Variants in DACH2 observed in about 807,000 individuals in gnomAD.
DACH2 encodes dachshund family transcription factor 2, also known as dachshund homolog 2.
Under a neutral mutation model 35.8 loss-of-function variants are expected in DACH2, and 17 were observed. The ratio of observed to expected loss-of-function variants is 0.48; its 90% CI spans 0.33 to 0.71. The LOEUF (loss-of-function observed/expected upper bound fraction) is 0.71. Among genes scored for constraint, DACH2 ranks in the 30% least tolerant of loss-of-function variants. DACH2 has a pLI of 0.02. For synonymous variants in DACH2, 195 were observed against 177.3 expected, an observed-to-expected ratio of 1.10 and a Z score of -0.79; for missense variants, 469 against 472.7, an observed-to-expected ratio of 0.99 and a Z score of 0.07.
rs113684881 is a variant in DACH2 at position 86,266,338 on chromosome X, C to T, written c.489-110486C>T. On this transcript the variant is annotated intron_variant, in intron 1 of 11. Coordinates refer to ENST00000373125, the MANE Select transcript of DACH2 (RefSeq NM_053281.3). ...TCATATTCAATTTACCTGAACTGTG[C>T]TGGAAACACGGGTGTCATACAACCG... is the stretch of plus-strand genomic sequence containing the variant. 5.3e-3 allele frequency among the ~76,000 whole-genome samples: 595 copies of T among 111,407 alleles called. 4 individuals carry two copies. The highest frequency in any genetic ancestry group is 0.018 in the African/African-American group (563 of 30,664).
chrX:86,433,644 G>T (rs1051828183), intron 2 of DACH2, among the ~76,000 whole-genome samples: 18 of 111,483 alleles, frequency 1.6e-4, no homozygotes, highest in Non-Finnish European at 3.2e-4. Flanking sequence ...AGTTTGACAG[G>T]AGGAACCATC....
chrX:86,247,514 A>ATAGAT (rs1363608216), intron 1 of DACH2, among the ~76,000 whole-genome samples: 2 of 111,843 alleles, frequency 1.8e-5, no homozygotes, highest in Non-Finnish European at 3.8e-5. Context: ...CAAACTAGAA[A>ATAGAT]ACAATAGATA....
chrX:86,719,915 CTTTTTTTTTCTTTTTTCT>C (rs1569473182), intron 6 of DACH2, among the ~76,000 whole-genome samples: 3 of 92,552 alleles, frequency 3.2e-5, no homozygotes, highest in Non-Finnish European at 4.2e-5. Flanking sequence ...CCCTCCAAAT[CTTTTTTTTTCTTTTTTCT>C]TTTTTTTTTC....
intron 6 of DACH2, among the ~76,000 whole-genome samples, chrX:86,715,210 G>A (rs1046339941): frequency 4.2e-4 from 47 of 111,467 alleles, no homozygotes; most frequent in African/African-American, 1.0e-3. Flanking sequence ...ATAAAATGAA[G>A]GTCATAGTTA....
intron 3 of DACH2, among the ~76,000 whole-genome samples, chrX:86,607,477 A>G (rs929171601): frequency 8.1e-5 from 9 of 111,602 alleles, no homozygotes; most frequent in Non-Finnish European, 1.7e-4. Flanking sequence ...TAAAATAGAA[A>G]CTAATAAAAC....
chrX:86,783,945 C>G (rs2042112856), intron 7 of DACH2, among the ~76,000 whole-genome samples: 1 of 110,546 alleles, frequency 9.0e-6, no homozygotes, highest in African/African-American at 3.3e-5. Flanking sequence ...AACAAGATGA[C>G]TATTGTCAAT....
intron 2 of DACH2, among the ~76,000 whole-genome samples, chrX:86,394,965 T>G (rs1161716016): frequency 8.9e-6 from 1 of 112,035 alleles, no homozygotes; most frequent in Non-Finnish European, 1.9e-5. Flanking sequence ...TGCAATTTAT[T>G]TATTTACATG....
At chrX:86,623,014 T>C (rs2040086891) in intron 3 of DACH2, among the ~76,000 whole-genome samples, 1 of 111,947 alleles carries the variant, frequency 8.9e-6, no homozygotes, top group Non-Finnish European at 1.9e-5. Flanking sequence ...ACTAAATCTA[T>C]TTTATTAAAT....
chrX:86,489,128 T>C (rs2038059617), intron 2 of DACH2, among the ~76,000 whole-genome samples: 1 of 111,623 alleles, frequency 9.0e-6, no homozygotes, highest in Non-Finnish European at 1.9e-5. Context: ...TGTTATGTTT[T>C]CTTGTAATTT....
At chrX:86,807,888 A>ATTG (rs1283603471) in intron 7 of DACH2, among the ~76,000 whole-genome samples, 2 of 112,048 alleles carry the variant, frequency 1.8e-5, no homozygotes, top group African/African-American at 6.5e-5. Context: ...TTTAAGGAAA[A>ATTG]TTGTTAAATA....
chrX:86,755,367 G>T (rs1304832451), intron 7 of DACH2, among the ~76,000 whole-genome samples: 11 of 110,765 alleles, frequency 9.9e-5, no homozygotes, highest in African/African-American at 3.6e-4. Flanking sequence ...CATTCAACAG[G>T]CTGTCTCTTT....
At chrX:86,423,037 AT>A (rs764193924) in intron 2 of DACH2, among the ~76,000 whole-genome samples, 1 of 111,826 alleles carries the variant, frequency 8.9e-6, no homozygotes, top group Non-Finnish European at 1.9e-5. Flanking sequence ...TGCATTGTGC[AT>A]ATGTACCACA....
intron 1 of DACH2, among the ~76,000 whole-genome samples, chrX:86,286,012 C>G (rs2034137216): frequency 9.5e-6 from 1 of 104,865 alleles, no homozygotes; most frequent in Non-Finnish European, 1.9e-5. Context: ...GATGGCATAT[C>G]TTTTTCCTTT....
chrX:86,748,331 T>TAATC (rs749784700), intron 7 of DACH2, among the ~76,000 whole-genome samples: 21 of 112,082 alleles, frequency 1.9e-4, no homozygotes, highest in Non-Finnish European at 3.6e-4. Context: ...TCCATTAGAG[T>TAATC]AATCTCTATA....
At chrX:86,317,618 C>G (rs1459338103) in intron 1 of DACH2, among the ~76,000 whole-genome samples, 2 of 111,981 alleles carry the variant, frequency 1.8e-5, no homozygotes, top group Non-Finnish European at 3.8e-5. Flanking sequence ...GCAAAATAAA[C>G]TTTAGTCTTA....
At chrX:86,781,027 C>G (rs917023273) in intron 7 of DACH2, among the ~76,000 whole-genome samples, 1 of 111,366 alleles carries the variant, frequency 9.0e-6, no homozygotes, top group Non-Finnish European at 1.9e-5. Flanking sequence ...TTTATAAACT[C>G]AGTGTTTCAG....
chrX:86,514,594 C>T (rs998451424), intron 3 of DACH2, among the ~76,000 whole-genome samples: 2 of 111,765 alleles, frequency 1.8e-5, no homozygotes, highest in Non-Finnish European at 3.8e-5. Flanking sequence ...TAAAAATTGT[C>T]GTATCATTGC....
intron 1 of DACH2, among the ~76,000 whole-genome samples, chrX:86,328,138 C>T (rs888511441): frequency 1.1e-4 from 12 of 111,280 alleles, no homozygotes; most frequent in Non-Finnish European, 1.5e-4. Flanking sequence ...TTACTCCAAG[C>T]ATACTAACTT....
At chrX:86,221,389 T>C (rs1003622855) in intron 1 of DACH2, among the ~76,000 whole-genome samples, 23 of 111,954 alleles carry the variant, frequency 2.1e-4, no homozygotes, top group Non-Finnish European at 1.3e-4. Context: ...GGTTTAATTC[T>C]GAGCTCTCTA....
Sources: allele counts gnomAD v4.1 joint callset (sites outside exome capture counted in the v4.1 genomes callset), GRCh38; gene constraint gnomAD v4.1.1; transcripts MANE v1.5; gene names NCBI Gene and HGNC (gene_info 2026-07-23, HGNC 2026-07-21).